The following METTL25 variants were observed in gnomAD, a reference collection of about 807,000 sequenced individuals.
The protein encoded by METTL25 is methyltransferase like 25, also known as probable methyltransferase-like protein 25.
Under a neutral mutation model 71.6 loss-of-function variants are expected in METTL25, and 64 were observed. The ratio of observed to expected loss-of-function variants is 0.89; its 90% CI spans 0.73 to 1.10. METTL25 has a LOEUF of 1.10. Ranked by LOEUF, METTL25 falls within the 50% of genes least tolerant of loss-of-function variation. The pLI, the probability that METTL25 is intolerant of heterozygous loss-of-function variation, is 0.00. For missense variants in METTL25, 807 were observed against 707.0 expected (o/e 1.14, Z -1.60); for synonymous variants, 287 against 250.3 (o/e 1.15, Z -1.38).
intron 1 of METTL25, among the ~76,000 whole-genome samples, chr12:82,384,557 C>G (rs1302750053): frequency 2.6e-5 from 4 of 151,818 alleles, no homozygotes; most frequent in Non-Finnish European, 5.9e-5. Flanking sequence ...CTGAGTAAAA[C>G]TAGGGTTAGA....
At position 82,398,777 on chromosome 12, in the gene METTL25, C is replaced by A. The variant is rs749672363; in HGVS notation, c.532-18C>A. ...TTTGCCTAAAATTCTTTAATTTATT[C>A]TTTTTTTCTAATCTTAGGTGATTGA... On this transcript the variant is annotated intron_variant, in intron 3 of 11. Coordinates refer to ENST00000248306, the MANE Select transcript of METTL25 (RefSeq NM_032230.3). 5 of 1,416,428 alleles carry A rather than the reference C, an allele frequency of 3.5e-6. No homozygotes were observed. The highest frequency in any genetic ancestry group is 4.6e-6 in the Non-Finnish European group (5 of 1,082,376). The allele number at this position is 1,416,428 out of a possible 1,614,324, so 87.7% of individuals were successfully genotyped here.
chr12:82,466,315 T>C (rs928231073), intron 9 of METTL25, among the ~76,000 whole-genome samples: 3 of 140,932 alleles, frequency 2.1e-5, no homozygotes, highest in African/African-American at 7.7e-5. Context: ...TCAAGGAATT[T>C]TTTAACTTCA....
At chr12:82,366,044 T>C (rs1420263088) in intron 1 of METTL25, among the ~76,000 whole-genome samples, 1 of 151,936 alleles carries the variant, frequency 6.6e-6, no homozygotes, top group Non-Finnish European at 1.5e-5. Flanking sequence ...ACTGCGCCAC[T>C]GCACACCAGC....
chr12:82,368,852 C>T (rs1326857715), intron 1 of METTL25, among the ~76,000 whole-genome samples: 1 of 152,162 alleles, frequency 6.6e-6, no homozygotes, highest in Admixed American at 6.5e-5. Flanking sequence ...ATAAATGATT[C>T]AACTTCCTAC....
At chr12:82,376,756 T>A (rs1245403309) in intron 1 of METTL25, among the ~76,000 whole-genome samples, 1 of 152,240 alleles carries the variant, frequency 6.6e-6, no homozygotes, top group Non-Finnish European at 1.5e-5. Flanking sequence ...TATTGTTAAA[T>A]TATCTTTAAA....
intron 5 of METTL25, among the ~76,000 whole-genome samples, chr12:82,418,516 G>A (rs1290415195): frequency 6.6e-6 from 1 of 152,066 alleles, no homozygotes; most frequent in Non-Finnish European, 1.5e-5. Context: ...ATCTCCACCT[G>A]AGCAGTTAGT....
intron 3 of METTL25, among the ~76,000 whole-genome samples, chr12:82,396,852 G>A (rs1886127277): frequency 6.6e-6 from 1 of 152,078 alleles, no homozygotes; most frequent in Non-Finnish European, 1.5e-5. Context: ...ATAGTATGTA[G>A]ACTTTTCATT....
In METTL25 at chr12:82,436,278, A is replaced by C. The variant is rs767648666; in HGVS notation, c.1404+1554A>C. ...TGACTTCCAACTTAGTGCCCTTTCC[A>C]CTAGACCTGTAAAATGCATGTCTGA... On this transcript the variant is annotated intron_variant, in intron 7 of 11. Transcript: ENST00000248306. Among the ~76,000 whole-genome samples the C allele has an allele frequency of 2.0e-5, 3 of 151,414 alleles. No homozygotes were observed. The East Asian group carries it at 5.8e-4, about 29-fold the overall frequency.
chr12:82,365,666 CT>C (rs1185226910), intron 1 of METTL25, among the ~76,000 whole-genome samples: 1 of 152,158 alleles, frequency 6.6e-6, no homozygotes, highest in Non-Finnish European at 1.5e-5. Context: ...GAAAATTCTT[CT>C]GAAAAGCAAG....
chr12:82,447,401 A>G (rs1275753174), intron 8 of METTL25, among the ~76,000 whole-genome samples: 1 of 152,216 alleles, frequency 6.6e-6, no homozygotes, highest in Admixed American at 6.5e-5. Context: ...GAAGTATTTT[A>G]TATACCACAA....
chr12:82,365,855 G>A (rs1376454471), intron 1 of METTL25, among the ~76,000 whole-genome samples: 27 of 152,108 alleles, frequency 1.8e-4, no homozygotes, highest in Non-Finnish European at 1.5e-5. Context: ...GGCCGAGGCG[G>A]GGGGATCACG....
chr12:82,358,723 T>G lies in METTL25; in HGVS notation c.158T>G (p.Leu53Trp), dbSNP rs1417408951. 1.9e-6 allele frequency: 3 copies of G among 1,613,956 alleles called. No homozygotes were observed. The highest frequency in any genetic ancestry group is 2.7e-5 in the African/African-American group (2 of 74,904). The change falls in exon 1 of 12, where the codon TTG becomes TGG. Residue 53 changes from leucine to tryptophan, a missense_variant. Coordinates refer to ENST00000248306, the MANE Select transcript of METTL25 (RefSeq NM_032230.3). Reference protein sequence around the residue: ...TESVWEELVDLPPETVLAALR... With the variant: ...TESVWEELVDWPPETVLAALR... Reference sequence around the variant, plus strand: ...TCCGTGTGGGAGGAGCTGGTCGACTTGCCACCGGAGACAGTGCTGGCTGCG... The same window carrying G: ...TCCGTGTGGGAGGAGCTGGTCGACTGGCCACCGGAGACAGTGCTGGCTGCG...
chr12:82,429,132 A>T (rs113138831), intron 5 of METTL25, among the ~76,000 whole-genome samples: 22 of 151,740 alleles, frequency 1.4e-4, no homozygotes, highest in African/African-American at 4.6e-4. Context: ...GAATATTAAA[A>T]CTTATTTCTT....
At position 82,477,305 on chromosome 12, in the gene METTL25, A is replaced by T. The variant is rs567790363; in HGVS notation, c.1672A>T (p.Ile558Leu). The change falls in exon 11 of 12, where the codon ATA (isoleucine) becomes TTA (leucine). Residue 558 changes from isoleucine (I) to leucine (L), a missense_variant. Transcript: ENST00000248306. ...NMLKVVLAPCIETLILLDRLC... is the reference protein window; with the variant it reads ...NMLKVVLAPCLETLILLDRLC... Reference sequence around the variant, plus strand: ...GTTGAAAGTTGTACTGGCTCCCTGTATAGAGACTTTGATTCTTCTGGATCG... The same window carrying T: ...GTTGAAAGTTGTACTGGCTCCCTGTTTAGAGACTTTGATTCTTCTGGATCG... 9 of 1,575,238 alleles carry T rather than the reference A, an allele frequency of 5.7e-6. No homozygotes were observed. The Admixed American group carries it at 1.7e-4, about 29-fold the overall frequency.
intron 5 of METTL25, among the ~76,000 whole-genome samples, chr12:82,421,195 G>T (rs1251670843): frequency 6.6e-6 from 1 of 152,126 alleles, no homozygotes; most frequent in Non-Finnish European, 1.5e-5. Context: ...GATCATCATG[G>T]TTGCAGAATT....
At chr12:82,446,316 C>T (rs185806319) in intron 8 of METTL25, among the ~76,000 whole-genome samples, 2 of 152,246 alleles carry the variant, frequency 1.3e-5, no homozygotes, top group African/African-American at 4.8e-5. Flanking sequence ...CACTGTAGAA[C>T]AACTGGACCT....
chr12:82,459,153 A>G (rs972020933), intron 9 of METTL25, among the ~76,000 whole-genome samples: 4 of 152,204 alleles, frequency 2.6e-5, no homozygotes, highest in African/African-American at 9.7e-5. Flanking sequence ...AAGCATCAGA[A>G]CCAAATTCAG....
At chr12:82,395,985 C>T (rs576674960) in intron 3 of METTL25, among the ~76,000 whole-genome samples, 1 of 152,174 alleles carries the variant, frequency 6.6e-6, no homozygotes, top group East Asian at 1.9e-4. Context: ...TGCATAAGGA[C>T]ATTTCAGTCA....
intron 5 of METTL25, among the ~76,000 whole-genome samples, chr12:82,417,603 A>G (rs1888098571): frequency 6.6e-6 from 1 of 152,150 alleles, no homozygotes; most frequent in African/African-American, 2.4e-5. Flanking sequence ...TCATACATTT[A>G]TATATTCTTT....
Sources: gnomAD v4.1 joint callset for allele counts (sites outside exome capture counted in the v4.1 genomes callset) on GRCh38, gnomAD v4.1.1 for gene constraint, MANE v1.5 for transcripts, NCBI Gene and HGNC (gene_info 2026-07-23, HGNC 2026-07-21) for gene names.